The following ESR1 variants were observed in gnomAD, a reference collection of about 807,000 sequenced individuals.
The protein encoded by ESR1 is estrogen receptor 1.
A neutral mutation model predicts 52.7 loss-of-function variants in ESR1; 12 were observed. The ratio of observed to expected loss-of-function variants is 0.23; its 90% CI spans 0.15 to 0.37. ESR1 has a LOEUF of 0.37. Among genes scored for constraint, ESR1 ranks in the 10% least tolerant of loss-of-function variants. The probability of loss-of-function intolerance (pLI) is 1.00; values close to 1 mark genes in which losing one functional copy is unlikely to be tolerated. For synonymous variants in ESR1, 305 were observed against 316.8 expected (o/e 0.96, Z 0.39); for missense variants, 584 against 779.7 (o/e 0.75, Z 2.99).
intron 3 of ESR1, among the ~76,000 whole-genome samples, chr6:151,899,391 G>T (rs1796211715): frequency 7.7e-6 from 1 of 130,288 alleles, no homozygotes; most frequent in Non-Finnish European, 1.6e-5. Flanking sequence ...GGCTGGCCGG[G>T]CAGAGGGGCT....
intron 6 of ESR1, among the ~76,000 whole-genome samples, chr6:152,074,349 C>A (rs2048567049): frequency 6.6e-6 from 1 of 152,176 alleles, no homozygotes. Context: ...AGGTTTGTAG[C>A]CTTTTCAGAT....
intron 4 of ESR1, among the ~76,000 whole-genome samples, chr6:152,009,568 A>C (rs1338917084): frequency 6.6e-6 from 1 of 152,118 alleles, no homozygotes; most frequent in Non-Finnish European, 1.5e-5. Context: ...ATTTAAAAAG[A>C]CTGAACATAG....
At chr6:151,901,158 T>TGGAG (rs1796618023) in intron 3 of ESR1, among the ~76,000 whole-genome samples, 1 of 152,090 alleles carries the variant, frequency 6.6e-6, no homozygotes, top group Non-Finnish European at 1.5e-5. Context: ...CCCAGGTCAA[T>TGGAG]GGAGTTATGT....
At chr6:151,682,329 G>A (rs1386311549) in intron 1 of ESR1, among the ~76,000 whole-genome samples, 1 of 152,122 alleles carries the variant, frequency 6.6e-6, no homozygotes, top group Non-Finnish European at 1.5e-5. Context: ...GTTTCCTCCT[G>A]TAGGAAGTTT....
chr6:151,893,734 G>A (rs560478313), intron 3 of ESR1, among the ~76,000 whole-genome samples: 4 of 152,074 alleles, frequency 2.6e-5, no homozygotes, highest in African/African-American at 7.2e-5. Context: ...AGATTTTAGT[G>A]CTCATTTGAC....
chr6:151,918,973 A>G (rs1246714626), intron 3 of ESR1, among the ~76,000 whole-genome samples: 2 of 152,212 alleles, frequency 1.3e-5, no homozygotes, highest in African/African-American at 2.4e-5. Context: ...GAGTTGCATT[A>G]TTAGAAAGGA....
chr6:151,887,547 C>A (rs1794053293), intron 3 of ESR1, among the ~76,000 whole-genome samples: 1 of 151,926 alleles, frequency 6.6e-6, no homozygotes, highest in African/African-American at 2.4e-5. Context: ...TTTGGCATAC[C>A]CTCTCTTTAT....
chr6:151,763,230 T>G (rs1051967393), intron 2 of ESR1, among the ~76,000 whole-genome samples: 1 of 152,070 alleles, frequency 6.6e-6, no homozygotes, highest in African/African-American at 2.4e-5. Context: ...GTCTGATTTT[T>G]TTTTTTGCAT....
intron 2 of ESR1, among the ~76,000 whole-genome samples, chr6:151,849,361 G>A (rs573507090): frequency 1.3e-5 from 2 of 152,162 alleles, no homozygotes; most frequent in East Asian, 3.9e-4. Flanking sequence ...AGTCATGATA[G>A]ATAGCCGGAT....
At chr6:151,696,252 G>T (rs1779328387) in intron 1 of ESR1, among the ~76,000 whole-genome samples, 1 of 151,914 alleles carries the variant, frequency 6.6e-6, no homozygotes, top group South Asian at 2.1e-4. Context: ...CAGTGAATCA[G>T]TTGAGGCCAG....
In ESR1 at chr6:151,680,798, C is replaced by G. The variant is rs147630572; in HGVS notation, n.74-21077C>G. Among the ~76,000 whole-genome samples, 1,248 of 152,242 alleles carry G rather than the reference C, an allele frequency of 8.2e-3. 25 individuals carry two copies. The highest frequency in any genetic ancestry group is 0.029 in the African/African-American group (1,209 of 41,544). ...TTGTTTACAGCTATGTTCCTAACACCTACAACAATGCCTGGCACATGGTAG... is the reference window on the plus strand; with the variant it reads ...TTGTTTACAGCTATGTTCCTAACACGTACAACAATGCCTGGCACATGGTAG... On this transcript the variant is annotated intron_variant and non_coding_transcript_variant, in intron 1 of 2. Coordinates refer to the ESR1 transcript ENST00000473497.
At chr6:151,772,109 A>G (rs896651748) in intron 2 of ESR1, among the ~76,000 whole-genome samples, 1 of 152,222 alleles carries the variant, frequency 6.6e-6, no homozygotes, top group African/African-American at 2.4e-5. Context: ...TGGTAAAGCA[A>G]GCAATGTGGG....
intron 6 of ESR1, among the ~76,000 whole-genome samples, chr6:152,112,469 C>T (rs553165102): frequency 2.0e-4 from 30 of 152,278 alleles, no homozygotes; most frequent in African/African-American, 7.2e-4. Flanking sequence ...ATTTAGGCCT[C>T]TGGAGTACAC....
chr6:151,935,650 A>G (rs2034270016), intron 3 of ESR1, among the ~76,000 whole-genome samples: 1 of 152,248 alleles, frequency 6.6e-6, no homozygotes, highest in African/African-American at 2.4e-5. Flanking sequence ...TAGGGAATTC[A>G]CCAAATGTAG....
At position 151,944,400 on chromosome 6, in the gene ESR1, G is replaced by A. The variant is rs571716552; in HGVS notation, c.988G>A (p.Glu330Lys). Residue 330 changes from glutamate (E) to lysine (K), a missense_variant, in exon 4 of 8, where the codon GAG becomes AAG. Coordinates refer to ENST00000206249, the MANE Select transcript of ESR1 (RefSeq NM_000125.4). ...TGCTGAGCCCCCGATACTCTATTCC[G>A]AGTATGATCCTACCAGACCCTTCAG... ...LDAEPPILYS[E>K]YDPTRPFSEA... 13 of 1,614,034 alleles carry A rather than the reference G, an allele frequency of 8.1e-6. No homozygotes were observed. The highest frequency in any genetic ancestry group is 2.2e-5 in the East Asian group (1 of 44,866).
intron 1 of ESR1, among the ~76,000 whole-genome samples, chr6:151,830,519 C>T (rs940224937): frequency 7.2e-5 from 11 of 152,134 alleles, no homozygotes; most frequent in Admixed American, 6.5e-5. Flanking sequence ...CTCTCTCTCT[C>T]GACTTACCTT....
At chr6:151,730,055 T>C (rs1782125303) in intron 2 of ESR1, among the ~76,000 whole-genome samples, 1 of 152,234 alleles carries the variant, frequency 6.6e-6, no homozygotes. Context: ...TGGTTTCTGC[T>C]ACAAGTTTCT....
intron 3 of ESR1, among the ~76,000 whole-genome samples, chr6:151,923,147 C>A (rs80190675): frequency 0.039 from 5,937 of 152,294 alleles, 181 homozygotes; most frequent in East Asian, 0.1. Context: ...TTTATTCTAA[C>A]AGATTCCACT....
At chr6:151,814,575 A>G (rs751873411) in intron 1 of ESR1, among the ~76,000 whole-genome samples, 10 of 152,224 alleles carry the variant, frequency 6.6e-5, no homozygotes, top group Non-Finnish European at 1.2e-4. Flanking sequence ...ATAAGAATAT[A>G]CCGTAATAAC....
Sources: allele counts gnomAD v4.1 joint callset (sites outside exome capture counted in the v4.1 genomes callset), GRCh38; gene constraint gnomAD v4.1.1; transcripts MANE v1.5; gene names NCBI Gene and HGNC (gene_info 2026-07-23, HGNC 2026-07-21).